Variants in DLEU7 observed in about 807,000 individuals in gnomAD.
The protein encoded by DLEU7 is deleted in lymphocytic leukemia 7.
In DLEU7, 17 loss-of-function variants were observed where a neutral mutation model predicts 16.0. The ratio of observed to expected loss-of-function variants is 1.06; its 90% CI spans 0.73 to 1.59. The LOEUF is 1.59. Among genes scored for constraint, DLEU7 ranks in the 40% most tolerant of loss-of-function variants. The pLI is 0.00. For synonymous variants in DLEU7, 113 were observed against 139.8 expected (o/e 0.81, Z 1.35); for missense variants, 308 against 314.9 (o/e 0.98, Z 0.17).
chr13:50,792,579 CTTCTTCTCTA>C (rs1331798976), intron 1 of DLEU7, among the ~76,000 whole-genome samples: 1 of 152,064 alleles, frequency 6.6e-6, no homozygotes, highest in Non-Finnish European at 1.5e-5. Context: ...TCTACTATCT[CTTCTTCTCTA>C]TTCACTTCTC....
intron 1 of DLEU7, among the ~76,000 whole-genome samples, chr13:50,790,568 G>T (rs1474271963): frequency 6.6e-6 from 1 of 152,072 alleles, no homozygotes; most frequent in Non-Finnish European, 1.5e-5. Flanking sequence ...GGAATCCTCG[G>T]TCTCTCACAC....
At position 50,841,111 on chromosome 13, in the gene DLEU7, C is replaced by T. The variant is rs115602398; in HGVS notation, c.459+2077G>A. On this transcript the variant is annotated intron_variant, in intron 1 of 1. Transcript: ENST00000504404. The stretch of plus-strand genomic sequence containing the variant: ...TTGGGTCAAGCCCTTAGACAGCTGT[C>T]TTCTGACCTGACTTTCAAACTGAAA... Among the ~76,000 whole-genome samples, 117 of 152,266 alleles carry T rather than the reference C, an allele frequency of 7.7e-4. 1 individual carries two copies. Among genetic ancestry groups the T allele is most frequent in the African/African-American group, 2.7e-3 (113 of 41,558 alleles).
At chr13:50,711,773 G>GGGGGGGT (rs1873294956), downstream of DLEU7, 1 of 26,720 alleles carries the variant, frequency 3.7e-5, no homozygotes, top group African/African-American at 5.1e-4. Context: ...ACCCAGTGGC[G>GGGGGGGT]GGGGCGGGGG....
At chr13:50,744,261 A>G (rs1188897798) in intron 1 of DLEU7, among the ~76,000 whole-genome samples, 2 of 151,958 alleles carry the variant, frequency 1.3e-5, no homozygotes, top group East Asian at 1.9e-4. Flanking sequence ...ATAAATCCCA[A>G]CCTCTTAACT....
chr13:50,747,428 C>G (rs1415367448), intron 1 of DLEU7, among the ~76,000 whole-genome samples: 1 of 150,264 alleles, frequency 6.7e-6, no homozygotes, highest in Non-Finnish European at 1.5e-5. Context: ...GTTTGGGGGG[C>G]ACATAAGATG....
chr13:50,815,519 G>A (rs1876707169), intron 1 of DLEU7, among the ~76,000 whole-genome samples: 1 of 152,032 alleles, frequency 6.6e-6, no homozygotes, highest in South Asian at 2.1e-4. Context: ...TTTCTATACT[G>A]ACTAGATCAA....
At chr13:50,718,457 A>T (rs1227735310) in intron 1 of DLEU7, among the ~76,000 whole-genome samples, 1 of 152,238 alleles carries the variant, frequency 6.6e-6, no homozygotes, top group Non-Finnish European at 1.5e-5. Flanking sequence ...TCTGGTGATT[A>T]GAATGAGGGG....
chr13:50,841,798 T>C (rs191448905), intron 1 of DLEU7, among the ~76,000 whole-genome samples: 18 of 150,276 alleles, frequency 1.2e-4, no homozygotes, highest in Non-Finnish European at 1.5e-5. Flanking sequence ...TGGTGTATCA[T>C]AGTTCAATGA....
At chr13:50,730,565 T>A (rs1213715212) in intron 1 of DLEU7, among the ~76,000 whole-genome samples, 1 of 152,170 alleles carries the variant, frequency 6.6e-6, no homozygotes, top group Non-Finnish European at 1.5e-5. Flanking sequence ...CTGAGGGGTC[T>A]CCATCCTGGT....
At chr13:50,780,485 A>G (rs1490461884) in intron 1 of DLEU7, among the ~76,000 whole-genome samples, 1 of 152,210 alleles carries the variant, frequency 6.6e-6, no homozygotes. Flanking sequence ...GCAACACATT[A>G]TCATGTGGGA....
At chr13:50,723,898 G>T (rs540588639) in intron 1 of DLEU7, among the ~76,000 whole-genome samples, 3 of 151,804 alleles carry the variant, frequency 2.0e-5, no homozygotes, top group Admixed American at 6.6e-5. Context: ...ATGTATACTT[G>T]TATAGTTGAA....
Position 50,843,159 on chromosome 13 carries a change from C to T in DLEU7, c.459+29G>A, listed in dbSNP as rs375155481. The T allele has an allele frequency of 3.2e-6, 5 of 1,575,062 alleles. No homozygotes were observed. In the African/African-American group the frequency reaches 7.0e-5, roughly 22 times the overall value. On this transcript the variant is annotated intron_variant, in intron 1 of 1. Transcript: ENST00000504404. This position sits in a 1 kb window ranked among gnomAD's most constrained non-coding sequence, Gnocchi z 5.7. Reference sequence around the variant, plus strand: ...GGAGGATGGGAGGTTACCCTGCACGCCAGAGGGGATGGCGGGGGCCAGACT... The same window carrying T: ...GGAGGATGGGAGGTTACCCTGCACGTCAGAGGGGATGGCGGGGGCCAGACT...
At chr13:50,723,772 G>A (rs909833080) in intron 1 of DLEU7, among the ~76,000 whole-genome samples, 3 of 151,800 alleles carry the variant, frequency 2.0e-5, no homozygotes, top group Admixed American at 1.3e-4. Context: ...TTGGAGCTTA[G>A]GGCTTCCACC....
chr13:50,809,064 T>A (rs749990394), intron 1 of DLEU7, among the ~76,000 whole-genome samples: 5 of 152,126 alleles, frequency 3.3e-5, no homozygotes, highest in Non-Finnish European at 7.4e-5. Context: ...GTCAAGAAGC[T>A]TGTCTACCTA....
intron 1 of DLEU7, among the ~76,000 whole-genome samples, chr13:50,742,078 G>T (rs1188785446): frequency 6.6e-6 from 1 of 151,972 alleles, no homozygotes; most frequent in African/African-American, 2.4e-5. Flanking sequence ...TTTGCCCTAA[G>T]ATATTCAAAA....
intron 1 of DLEU7, among the ~76,000 whole-genome samples, chr13:50,793,387 T>A (rs983518875): frequency 5.9e-5 from 9 of 152,186 alleles, no homozygotes; most frequent in Admixed American, 5.9e-4. Flanking sequence ...GATTGCTGGG[T>A]CAAATGATAG....
At chr13:50,763,665 C>T (rs1875010260) in intron 1 of DLEU7, among the ~76,000 whole-genome samples, 1 of 152,202 alleles carries the variant, frequency 6.6e-6, no homozygotes, top group Non-Finnish European at 1.5e-5. Flanking sequence ...CCACACTGCC[C>T]TTCCTGCCCT....
At chr13:50,731,619 A>G (rs1038231608) in intron 1 of DLEU7, among the ~76,000 whole-genome samples, 4 of 152,308 alleles carry the variant, frequency 2.6e-5, no homozygotes, top group Admixed American at 6.5e-5. Flanking sequence ...CCCAAGAACA[A>G]GCCCAGGCAA....
At chr13:50,728,514 A>G (rs960342806) in intron 1 of DLEU7, among the ~76,000 whole-genome samples, 4 of 152,190 alleles carry the variant, frequency 2.6e-5, no homozygotes, top group African/African-American at 9.6e-5. Flanking sequence ...GACATAAAGT[A>G]TGCTACACTC....
Sources: gnomAD v4.1 joint callset for allele counts (sites outside exome capture counted in the v4.1 genomes callset) on GRCh38, gnomAD v4.1.1 for gene constraint, Gnocchi (gnomAD v3.1) non-coding constraint, MANE v1.5 for transcripts, NCBI Gene and HGNC (gene_info 2026-07-23, HGNC 2026-07-21) for gene names.